CLEC20A: variants seen among roughly 807,000 people sequenced by gnomAD.
CLEC20A encodes putative C-type lectin domain family 20 member A.
chr1:178,495,004 G>A (rs114142958), intron 1 of CLEC20A, among the ~76,000 whole-genome samples, 194 bp from the exon 2 acceptor site: 2,945 of 152,190 alleles, frequency 0.019, 103 homozygotes, highest in African/African-American at 0.068. Flanking sequence ...TTGAAGAGCC[G>A]GCCACCTCCT....
At chr1:178,494,216 G>A (rs550210881) in intron 2 of CLEC20A, among the ~76,000 whole-genome samples, 15 of 152,334 alleles carry the variant, frequency 9.8e-5, no homozygotes, top group South Asian at 4.1e-4. Flanking sequence ...GCAACATAGC[G>A]AGACCCTGTC....
intron 5 of CLEC20A, among the ~76,000 whole-genome samples, chr1:178,488,257 T>G (rs1649195058): frequency 6.6e-6 from 1 of 152,142 alleles, no homozygotes; most frequent in Admixed American, 6.5e-5. Flanking sequence ...GTGGCCCAAT[T>G]CCAGGAAAAG....
chr1:178,479,860 G>T, intron 7 of CLEC20A: 3 of 268,064 alleles, frequency 1.1e-5, no homozygotes, highest in Non-Finnish European at 1.4e-5. Context: ...TAAATCAGTG[G>T]TTTTCAATCC....
At chr1:178,488,152 G>A (rs1203504255) in intron 5 of CLEC20A, among the ~76,000 whole-genome samples, 1 of 152,134 alleles carries the variant, frequency 6.6e-6, no homozygotes, top group Non-Finnish European at 1.5e-5. Flanking sequence ...CACTGCTCAG[G>A]CATCTTCCCC....
chr1:178,490,152 G>A (rs1354510069), exon 4 of CLEC20A: 2 of 398,616 alleles, frequency 5.0e-6, no homozygotes, highest in African/African-American at 2.1e-5. Flanking sequence ...GATGCCAAGA[G>A]CTGTGCACAG....
rs139992298 is a variant in CLEC20A, at chr1:178,488,973, G to A, written c.830-374C>T. 9.5e-4 allele frequency among the ~76,000 whole-genome samples: 145 copies of A among 152,312 alleles called. 2 individuals are homozygous for A. The highest frequency in any genetic ancestry group is 2.5e-4 in the Non-Finnish European group (17 of 68,018). Reference sequence around the variant, plus strand: ...CGGGTAAGGGGTTTCTTTGAGGTGGGGGGGGCGGTGATGAAAATGTCCTAA... The same window carrying A: ...CGGGTAAGGGGTTTCTTTGAGGTGGAGGGGGCGGTGATGAAAATGTCCTAA... On this transcript the variant is annotated intron_variant, in intron 4 of 7. Coordinates refer to ENST00000623247, the Ensembl canonical transcript of CLEC20A.
intron 7 of CLEC20A, chr1:178,480,688 A>G (rs1648946760): frequency 6.6e-6 from 1 of 152,334 alleles, no homozygotes. Context: ...AGGCTGAGGC[A>G]GGAGCATGGG....
At chr1:178,496,570 TC>T in intron 1 of CLEC20A, 1 of 304,208 alleles carries the variant, frequency 3.3e-6, no homozygotes, top group East Asian at 5.2e-5. Flanking sequence ...CCCGGTGATG[TC>T]CTTCCCTGCA....
chr1:178,497,150 G>A (rs1649417483), upstream of CLEC20A: 3 of 394,644 alleles, frequency 7.6e-6, no homozygotes, highest in African/African-American at 2.1e-5. Context: ...GTGAGGTGCT[G>A]GAGATGCGGC....
upstream of CLEC20A, among the ~76,000 whole-genome samples, chr1:178,498,495 C>T (rs1265715473): frequency 6.6e-6 from 1 of 152,124 alleles, no homozygotes; most frequent in East Asian, 1.9e-4. Context: ...TAGGCTGAGA[C>T]AGGAGGATTG....
chr1:178,482,594 CCCATGCT>C, intron 6 of CLEC20A, 197 bp from the exon 7 acceptor site: 1 of 388,650 alleles, frequency 2.6e-6, no homozygotes, highest in Non-Finnish European at 4.5e-6. Flanking sequence ...AAAAAAGAGT[CCCATGCT>C]TTGGGTAATG....
intron 1 of CLEC20A, chr1:178,496,605 T>C: frequency 5.5e-6 from 2 of 360,722 alleles, no homozygotes; most frequent in East Asian, 4.0e-5. Flanking sequence ...TGAAGTGACC[T>C]GCGCGGCCGT....
chr1:178,479,918 A>AG (rs1648911149), intron 7 of CLEC20A: 1 of 192,452 alleles, frequency 5.2e-6, no homozygotes, highest in Admixed American at 6.1e-5. Flanking sequence ...AAAAAAAAAA[A>AG]GAAAAAAAAC....
rs1176106559 is a variant in CLEC20A, at chr1:178,489,922, G to A, written c.829+150C>T. 6 of 397,104 alleles carry A rather than the reference G, an allele frequency of 1.5e-5. No homozygotes were observed. In the East Asian group the frequency reaches 1.8e-4, roughly 12 times the overall value. 24.6% of individuals were successfully genotyped at this position (397,104 alleles called of 1,614,324 possible). ...ACAAGTTTATAGTGCAAGGATCTCAGGAGCCTGCTCCAGAACTCAGTTACC... is the reference window on the plus strand; with the variant it reads ...ACAAGTTTATAGTGCAAGGATCTCAAGAGCCTGCTCCAGAACTCAGTTACC... On this transcript the variant is annotated intron_variant, in intron 4 of 7. Transcript: ENST00000623247.
exon 2 of CLEC20A, chr1:178,494,599 G>A (rs1412901569): frequency 2.3e-5 from 9 of 399,210 alleles, no homozygotes; most frequent in Non-Finnish European, 3.5e-5. Context: ...AGGTGGAGCC[G>A]CTGGACCATC....
intron 2 of CLEC20A, among the ~76,000 whole-genome samples, chr1:178,493,913 T>G (rs563972240): frequency 2.6e-5 from 4 of 152,356 alleles, no homozygotes; most frequent in African/African-American, 9.6e-5. Context: ...TTTCCAAATT[T>G]TATTTGTATT....
chr1:178,487,334 C>A (rs1649173823), intron 5 of CLEC20A, among the ~76,000 whole-genome samples: 1 of 152,196 alleles, frequency 6.6e-6, no homozygotes, highest in Admixed American at 6.5e-5. Flanking sequence ...CAAATCTGAT[C>A]ACAGCTACCA....
At chr1:178,485,554 G>A (rs891441915) in intron 5 of CLEC20A, among the ~76,000 whole-genome samples, 5 of 152,216 alleles carry the variant, frequency 3.3e-5, no homozygotes, top group South Asian at 4.1e-4. Flanking sequence ...CCAGGCAGAA[G>A]GAAATGAATT....
At chr1:178,496,502 G>A (rs867248623) in intron 1 of CLEC20A, 42 of 185,606 alleles carry the variant, frequency 2.3e-4, no homozygotes, top group East Asian at 3.8e-4. Context: ...CCCTTTCTCC[G>A]AGAACCCTTG....
Sources: gnomAD v4.1 joint callset for allele counts (sites outside exome capture counted in the v4.1 genomes callset) on GRCh38, gnomAD v4.1.1 for gene constraint, MANE v1.5 for transcripts, NCBI Gene and HGNC (gene_info 2026-07-23, HGNC 2026-07-21) for gene names.